The following UQCC2 variants were observed in gnomAD, a reference collection of about 807,000 sequenced individuals.
UQCC2 encodes ubiquinol-cytochrome c reductase complex assembly factor 2, also known as breast cancer-associated protein SGA-81M.
Under a neutral mutation model 19.9 loss-of-function variants are expected in UQCC2, and 21 were observed. The ratio of observed to expected loss-of-function variants is 1.05; its 90% CI spans 0.75 to 1.52. The LOEUF is 1.52. UQCC2 is among the 40% of genes most tolerant of loss of function. The probability of loss-of-function intolerance (pLI) is 0.00; values close to 1 mark genes in which losing one functional copy is unlikely to be tolerated. For synonymous variants in UQCC2, 57 were observed against 60.9 expected (o/e 0.94, Z 0.30); for missense variants, 135 against 157.5 (o/e 0.86, Z 0.76).
rs1765578865 is a variant in UQCC2, at chr6:33,697,584, G to A, written c.*69C>T. On this transcript the variant is annotated 3_prime_UTR_variant, in exon 4 of 4. Transcript: ENST00000607484. The stretch of plus-strand genomic sequence containing the variant: ...ACCGTAAGGTCAAGGGGAAACTGGG[G>A]CAGTTTTATTGACGATGGCAATGTA... 8.3e-7 allele frequency: 1 copy of A among 1,200,986 alleles called. No homozygotes were observed. Among genetic ancestry groups the A allele is most frequent in the Non-Finnish European group, 1.2e-6 (1 of 844,890 alleles). 74.4% of individuals were successfully genotyped at this position (1,200,986 alleles called of 1,614,324 possible).
At position 33,709,997 on chromosome 6, in the gene UQCC2, A is replaced by G. The variant is rs551205516; in HGVS notation, c.138+1552T>C. ...ACCGAACTCGAGATATTCTTCCTACACTTCACCTATTCCTACCTCAGTAAA... is the reference window on the plus strand; with the variant it reads ...ACCGAACTCGAGATATTCTTCCTACGCTTCACCTATTCCTACCTCAGTAAA... On this transcript the variant is annotated intron_variant, in intron 1 of 3. Coordinates refer to ENST00000607484, the MANE Select transcript of UQCC2 (RefSeq NM_032340.4). 3.9e-5 allele frequency among the ~76,000 whole-genome samples: 6 copies of G among 152,226 alleles called. No homozygotes were observed. The South Asian group carries it at 1.2e-3, about 32-fold the overall frequency.
chr6:33,699,767 A>G (rs1765617335), intron 3 of UQCC2, among the ~76,000 whole-genome samples: 1 of 152,224 alleles, frequency 6.6e-6, no homozygotes, highest in African/African-American at 2.4e-5. Context: ...GAATACCAGA[A>G]GGAAATGTGT....
At chr6:33,701,500 A>T in intron 1 of UQCC2, 80 bp from the exon 2 acceptor site, 1 of 1,415,336 alleles carries the variant, frequency 7.1e-7, no homozygotes, top group Non-Finnish European at 9.7e-7. Context: ...GAAAGACCAT[A>T]CTTAATAAAG....
intron 1 of UQCC2, among the ~76,000 whole-genome samples, chr6:33,705,274 G>A (rs965109953): frequency 7.5e-4 from 114 of 152,076 alleles, no homozygotes; most frequent in African/African-American, 2.6e-3. Context: ...CTTGTGATCC[G>A]CCCACCTCGG....
chr6:33,706,574 G>T (rs1266874210), intron 1 of UQCC2, among the ~76,000 whole-genome samples: 1 of 152,220 alleles, frequency 6.6e-6, no homozygotes, highest in Non-Finnish European at 1.5e-5. Flanking sequence ...TGATGGGGAG[G>T]TGTGGCAGGA....
intron 1 of UQCC2, among the ~76,000 whole-genome samples, chr6:33,710,853 T>C (rs774241142): frequency 2.0e-5 from 3 of 152,056 alleles, no homozygotes; most frequent in Admixed American, 6.5e-5. Context: ...AGCGCCAACC[T>C]GGAGGAAAGC....
intron 1 of UQCC2, among the ~76,000 whole-genome samples, chr6:33,703,180 T>C (rs1011891057): frequency 2.0e-5 from 3 of 152,222 alleles, no homozygotes; most frequent in African/African-American, 7.2e-5. Flanking sequence ...GAACATTTCT[T>C]CAGCAGGGCA....
At chr6:33,710,769 C>T (rs1022683704) in intron 1 of UQCC2, among the ~76,000 whole-genome samples, 3 of 152,170 alleles carry the variant, frequency 2.0e-5, no homozygotes, top group Non-Finnish European at 2.9e-5. Context: ...CTGCTGTTTC[C>T]CTAGCACCGT....
rs1403680526 is a variant in UQCC2 at position 33,696,867 on chromosome 6, G to C, written c.*786C>G. 2 of 152,226 alleles carry C rather than the reference G, an allele frequency of 1.3e-5. No homozygotes were observed. The highest frequency in any genetic ancestry group is 3.9e-4 in the East Asian group (2 of 5,194). The allele number at this position is 152,226 out of a possible 1,614,324, so 9.4% of individuals were successfully genotyped here. ...ACCCACTTCCACTTTGTACCCACCA[G>C]GGCCGCTGTGGGCCCAGCCCTGTCC... is the stretch of plus-strand genomic sequence containing the variant. On this transcript the variant is annotated 3_prime_UTR_variant, in exon 4 of 4. Transcript: ENST00000607484.
chr6:33,699,602 C>T (rs1765614113), intron 3 of UQCC2, among the ~76,000 whole-genome samples: 1 of 152,162 alleles, frequency 6.6e-6, no homozygotes, highest in Non-Finnish European at 1.5e-5. Flanking sequence ...CACAGTTTCC[C>T]AGAGAGTACT....
chr6:33,700,537 G>T (rs780216462), intron 2 of UQCC2, 24 bp from the exon 3 acceptor site: 1 of 1,612,802 alleles, frequency 6.2e-7, no homozygotes, highest in Non-Finnish European at 8.5e-7. Context: ...CAGAAAGGAA[G>T]TGAAGGGAGG....
intron 1 of UQCC2, among the ~76,000 whole-genome samples, chr6:33,704,890 A>G (rs527478074): frequency 6.6e-6 from 1 of 152,272 alleles, no homozygotes; most frequent in South Asian, 2.1e-4. Flanking sequence ...CTTCCTTGCC[A>G]CGTAGTCCCA....
chr6:33,711,514 C>T, intron 1 of UQCC2, 35 bp downstream of exon 1: 2 of 1,572,724 alleles, frequency 1.3e-6, no homozygotes, highest in Non-Finnish European at 1.7e-6. Flanking sequence ...CTCGTCCTTT[C>T]CTCCCCTCGT....
chr6:33,700,511 G>A lies in UQCC2; in HGVS notation c.216C>T (p.Tyr72=). 6.2e-7 allele frequency: 1 copy of A among 1,614,148 alleles called. No homozygotes were observed. The highest frequency in any genetic ancestry group is 8.5e-7 in the Non-Finnish European group (1 of 1,180,014). ...TGAAGCTGGTGTCTCTGGGGCGAGG[G>A]TACTGGTCACCGGGGCAGAAAGGAA... ...RLHSNYYKHK[Y]PRPRDTSFSG... is the part of the protein sequence containing the mutation. The change falls in exon 3 of 4, where the codon TAC becomes TAT. Residue 72 remains tyrosine (Y), a splice_region_variant and synonymous_variant. Coordinates refer to ENST00000607484, the MANE Select transcript of UQCC2 (RefSeq NM_032340.4).
chr6:33,698,020 T>C (rs1765588513), intron 3 of UQCC2: 2 of 469,690 alleles, frequency 4.3e-6, no homozygotes, highest in Admixed American at 3.8e-5. Flanking sequence ...CAAAGCGGGA[T>C]GTGCTGCTCG....
chr6:33,707,673 T>A (rs1431740489), intron 1 of UQCC2, among the ~76,000 whole-genome samples: 1 of 152,242 alleles, frequency 6.6e-6, no homozygotes, highest in East Asian at 1.9e-4. Flanking sequence ...TGGGTGCTGG[T>A]GTGCAGTCCG....
chr6:33,699,139 T>C (rs893864194), intron 3 of UQCC2, among the ~76,000 whole-genome samples: 1 of 152,126 alleles, frequency 6.6e-6, no homozygotes, highest in Non-Finnish European at 1.5e-5. Flanking sequence ...CATTTCAGAC[T>C]TGCCAGGCCC....
intron 1 of UQCC2, among the ~76,000 whole-genome samples, chr6:33,704,039 A>G (rs1054098533): frequency 5.9e-5 from 9 of 152,218 alleles, no homozygotes; most frequent in Non-Finnish European, 1.3e-4. Context: ...AGAAAATATA[A>G]TAATAGCCCC....
In UQCC2 at chr6:33,711,603, G is replaced by A; in HGVS notation, c.84C>T (p.Gly28=). The A allele has an allele frequency of 1.2e-6, 2 of 1,613,910 alleles. No homozygotes were observed. The highest frequency in any genetic ancestry group is 8.5e-7 in the Non-Finnish European group (1 of 1,179,904). The part of the protein sequence containing the change: ...VDETKRGRDL[G]AYLRQRVAQA... ...GTGCTACCCGCTGTCGCAGGTAAGC[G>A]CCCAAGTCCCGGCCCCGTTTGGTCT... The change falls in exon 1 of 4, where the codon GGC becomes GGT. Residue 28 remains glycine, a synonymous_variant. Coordinates refer to ENST00000607484, the MANE Select transcript of UQCC2 (RefSeq NM_032340.4).
Sources: gnomAD v4.1 joint callset for allele counts (sites outside exome capture counted in the v4.1 genomes callset) on GRCh38, gnomAD v4.1.1 for gene constraint, MANE v1.5 for transcripts, NCBI Gene and HGNC (gene_info 2026-07-23, HGNC 2026-07-21) for gene names.